KSR2: variants seen among roughly 807,000 people sequenced by gnomAD.
The protein encoded by KSR2 is kinase suppressor of ras 2.
KSR2 carries 25 observed loss-of-function variants against 107.8 expected under a neutral mutation model. The observed-to-expected ratio is 0.23, with a 90% CI of 0.17 to 0.32. The LOEUF (loss-of-function observed/expected upper bound fraction) is 0.32. Ranked by LOEUF, KSR2 falls within the 10% of genes least tolerant of loss-of-function variation. The probability of loss-of-function intolerance (pLI) is 1.00; values close to 1 mark genes in which losing one functional copy is unlikely to be tolerated. For missense variants in KSR2, 887 were observed against 1,268.9 expected, an observed-to-expected ratio of 0.70 and a Z score of 4.57; for synonymous variants, 480 against 507.0, an observed-to-expected ratio of 0.95 and a Z score of 0.71.
intron 10 of KSR2, among the ~76,000 whole-genome samples, 158 bp from the exon 11 acceptor site, chr12:117,531,865 A>T (rs529596746): frequency 1.3e-5 from 2 of 152,160 alleles, no homozygotes; most frequent in Non-Finnish European, 2.9e-5. Flanking sequence ...GACTGCAAAC[A>T]TGTGTAAAGA....
intron 9 of KSR2, among the ~76,000 whole-genome samples, chr12:117,549,814 A>G (rs1447875036): frequency 6.6e-6 from 1 of 152,194 alleles, no homozygotes; most frequent in Non-Finnish European, 1.5e-5. Context: ...AATTGAAAGG[A>G]AGAAAGGATA....
chr12:117,563,383 A>G (rs1274474949), intron 7 of KSR2, among the ~76,000 whole-genome samples: 2 of 152,182 alleles, frequency 1.3e-5, no homozygotes, highest in East Asian at 3.9e-4. Flanking sequence ...GAAAGTATAT[A>G]GAACAAACCT....
chr12:117,831,524 AG>A (rs1891966929), intron 3 of KSR2, among the ~76,000 whole-genome samples: 1 of 152,214 alleles, frequency 6.6e-6, no homozygotes, highest in Admixed American at 6.5e-5. Context: ...GTTGAAAGCA[AG>A]GGGGAGAAAA....
chr12:117,687,217 C>T lies in KSR2; in HGVS notation c.987-19559G>A, dbSNP rs555582855. Among the ~76,000 whole-genome samples the T allele has an allele frequency of 1.3e-4, 20 of 152,282 alleles. No individual in the cohort carries two copies. In the South Asian group the frequency reaches 3.7e-3, roughly 28 times the overall value. Reference sequence around the variant, plus strand: ...ATAACCTCTCCTGCCTCTTTGTCTGCCCCTTGCTTCTGTGGGGGCAAGTGA... The same window carrying T: ...ATAACCTCTCCTGCCTCTTTGTCTGTCCCTTGCTTCTGTGGGGGCAAGTGA... On this transcript the variant is annotated intron_variant, in intron 4 of 19. Transcript: ENST00000339824.
chr12:117,655,115 G>A (rs1884086754), intron 5 of KSR2, among the ~76,000 whole-genome samples: 1 of 152,198 alleles, frequency 6.6e-6, no homozygotes, highest in Non-Finnish European at 1.5e-5. Flanking sequence ...TTCCATCATG[G>A]AAAGGGCAGA....
intron 3 of KSR2, among the ~76,000 whole-genome samples, chr12:117,779,042 C>T (rs979721): frequency 0.52 from 79,158 of 151,952 alleles, 22,310 homozygotes; most frequent in African/African-American, 0.73. Context: ...GGGGCCAGCA[C>T]CTGCCCCGGT....
intron 1 of KSR2, among the ~76,000 whole-genome samples, chr12:117,950,777 A>AATG (rs1477278705): frequency 1.5e-5 from 2 of 132,856 alleles, no homozygotes; most frequent in Non-Finnish European, 3.3e-5. Context: ...TAATGATAAT[A>AATG]ATAATAATAA....
chr12:117,489,274 T>C (rs1431865778), intron 14 of KSR2, among the ~76,000 whole-genome samples: 9 of 152,122 alleles, frequency 5.9e-5, no homozygotes, highest in Admixed American at 2.0e-4. Flanking sequence ...TGGAAACTCA[T>C]TGGGCTGTTC....
intron 4 of KSR2, among the ~76,000 whole-genome samples, chr12:117,739,279 T>C (rs554968299): frequency 2.4e-4 from 36 of 151,338 alleles, no homozygotes; most frequent in East Asian, 1.4e-3. Flanking sequence ...GGCGTGAACC[T>C]GGGAGGAGGA....
chr12:117,860,244 G>T, intron 2 of KSR2, 47 bp downstream of exon 2: 1 of 1,580,370 alleles, frequency 6.3e-7, no homozygotes. Context: ...ACAGGGGGTA[G>T]CTGCTGGCCA....
intron 5 of KSR2, among the ~76,000 whole-genome samples, chr12:117,602,021 C>T (rs369193309): frequency 9.9e-5 from 15 of 152,260 alleles, no homozygotes; most frequent in South Asian, 6.2e-4. Context: ...CAGCCATAGG[C>T]GGTATGCAAA....
chr12:117,558,790 A>T lies in KSR2; in HGVS notation c.1326-217T>A, dbSNP rs1175419142. On this transcript the variant is annotated intron_variant, in intron 7 of 19. Transcript: ENST00000339824. ...GATGCATAAATTGGTAGATGGATTG[A>T]TGCATGGGTGGGTGGGTGGGTGGAT... Among the ~76,000 whole-genome samples the T allele has an allele frequency of 1.6e-3, 45 of 27,416 alleles. No individual in the cohort carries two copies. In the Admixed American group the frequency reaches 0.02, roughly 12 times the overall value. 18.0% of individuals were successfully genotyped at this position (27,416 alleles called of 152,430 possible). A position where few individuals can be genotyped will look rare whatever the true frequency, so the allele number is the denominator to read the frequency against.
intron 14 of KSR2, among the ~76,000 whole-genome samples, chr12:117,511,745 A>G (rs894921061): frequency 9.2e-5 from 14 of 152,182 alleles, no homozygotes; most frequent in African/African-American, 3.4e-4. Flanking sequence ...GATTCGCCCA[A>G]GTGACCAACT....
At chr12:117,770,418 C>T (rs563316382) in intron 3 of KSR2, among the ~76,000 whole-genome samples, 13 of 152,220 alleles carry the variant, frequency 8.5e-5, no homozygotes, top group African/African-American at 3.1e-4. Context: ...TCTCCCAGAG[C>T]CTTTGGAGGC....
rs898639628 is a variant in KSR2, at chr12:117,484,360, C to T, written c.2450+56G>A. ...ACTAAAGCCATTTGGACTAACTTCC[C>T]ACCTCCTGACCATCATCTGTCAGGA... is the stretch of plus-strand genomic sequence containing the variant. On this transcript the variant is annotated intron_variant, in intron 16 of 19. Coordinates refer to ENST00000339824, the MANE Select transcript of KSR2 (RefSeq NM_173598.6). 4.3e-5 allele frequency: 68 copies of T among 1,599,750 alleles called. 2 individuals are homozygous for T. The South Asian group carries it at 7.4e-4, about 18-fold the overall frequency.
chr12:117,605,743 A>G (rs1364355877), intron 5 of KSR2, among the ~76,000 whole-genome samples: 1 of 152,226 alleles, frequency 6.6e-6, no homozygotes, highest in Non-Finnish European at 1.5e-5. Flanking sequence ...TCAATGATAG[A>G]CTGGGTAAAG....
chr12:117,603,567 G>T (rs1881073246), intron 5 of KSR2, among the ~76,000 whole-genome samples: 2 of 152,204 alleles, frequency 1.3e-5, no homozygotes, highest in East Asian at 3.8e-4. Flanking sequence ...CCCACCAAGG[G>T]CCAGGAAGGA....
At chr12:117,741,368 A>ATT (rs59154607) in intron 4 of KSR2, among the ~76,000 whole-genome samples, 22 of 149,852 alleles carry the variant, frequency 1.5e-4, no homozygotes, top group South Asian at 8.5e-4. Flanking sequence ...AAAAAAAAAA[A>ATT]TTTAATTAGC....
intron 1 of KSR2, among the ~76,000 whole-genome samples, chr12:117,967,407 T>C (rs956846443): frequency 1.2e-4 from 18 of 152,128 alleles, no homozygotes; most frequent in East Asian, 3.9e-4. Context: ...TATTTTTTTT[T>C]CCCTTTTGTA....
Sources: allele counts gnomAD v4.1 joint callset (sites outside exome capture counted in the v4.1 genomes callset), GRCh38; gene constraint gnomAD v4.1.1; transcripts MANE v1.5; gene names NCBI Gene and HGNC (gene_info 2026-07-23, HGNC 2026-07-21).